SLC24A2: variants seen among roughly 807,000 people sequenced by gnomAD.
The protein encoded by SLC24A2 is sodium/potassium/calcium exchanger 2.
Under a neutral mutation model 62.0 loss-of-function variants are expected in SLC24A2, and 36 were observed. The observed-to-expected ratio is 0.58, with a 90% CI of 0.44 to 0.77. SLC24A2 has a LOEUF of 0.77. Ranked by LOEUF, SLC24A2 falls within the 30% of genes least tolerant of loss-of-function variation. The pLI, the probability that SLC24A2 is intolerant of heterozygous loss-of-function variation, is 0.00. For missense variants in SLC24A2, 846 were observed against 817.9 expected (o/e 1.03, Z -0.42); for synonymous variants, 358 against 294.0 (o/e 1.22, Z -2.23).
At chr9:19,833,872 AC>A in the SLC24A2 span, among the ~76,000 whole-genome samples, 1 of 152,196 alleles carries the variant, frequency 6.6e-6, no homozygotes, top group Non-Finnish European at 1.5e-5. Context: ...CTCCTCTGAG[AC>A]AAAACTTCCA....
chr9:19,723,841 C>T (rs1821097433), intron 2 of SLC24A2, among the ~76,000 whole-genome samples: 2 of 151,830 alleles, frequency 1.3e-5, no homozygotes, highest in South Asian at 4.2e-4. Flanking sequence ...CAGTAGTTAA[C>T]AAAAAAAGCT....
chr9:19,536,323 G>C (rs1279062049), intron 8 of SLC24A2, among the ~76,000 whole-genome samples: 3 of 148,564 alleles, frequency 2.0e-5, no homozygotes, highest in Non-Finnish European at 4.5e-5. Context: ...CTGTCATTAG[G>C]TATATCTCCC....
chr9:20,104,072 T>A, the SLC24A2 span, among the ~76,000 whole-genome samples: 1 of 152,126 alleles, frequency 6.6e-6, no homozygotes, highest in African/African-American at 2.4e-5. Flanking sequence ...CAGCAGCCGA[T>A]GCGATCAACT....
chr9:19,852,255 A>T, the SLC24A2 span, among the ~76,000 whole-genome samples: 36 of 152,000 alleles, frequency 2.4e-4, no homozygotes, highest in Non-Finnish European at 4.7e-4. Context: ...GATTACAAAA[A>T]TTTTCTTCCA....
intron 2 of SLC24A2, among the ~76,000 whole-genome samples, chr9:19,769,385 G>A (rs1159632403): frequency 8.5e-5 from 13 of 152,336 alleles, no homozygotes; most frequent in African/African-American, 2.6e-4. Context: ...GCCTGAACAT[G>A]TGGGTCACTC....
chr9:19,627,347 G>A (rs1476774777), intron 2 of SLC24A2, among the ~76,000 whole-genome samples: 2 of 152,156 alleles, frequency 1.3e-5, no homozygotes, highest in African/African-American at 4.8e-5. Flanking sequence ...TTTTTGAGAA[G>A]AATAGATATC....
At chr9:20,096,786 G>T in the SLC24A2 span, among the ~76,000 whole-genome samples, 1 of 151,740 alleles carries the variant, frequency 6.6e-6, no homozygotes, top group African/African-American at 2.4e-5. Flanking sequence ...CCTTTAGTTG[G>T]GAAATTCTTT....
the SLC24A2 span, among the ~76,000 whole-genome samples, chr9:20,258,812 C>CTATT: frequency 1.4e-5 from 2 of 139,156 alleles, no homozygotes; most frequent in African/African-American, 5.6e-5. Flanking sequence ...ATCTATCTAT[C>CTATT]TACCTTATCT....
At chr9:20,273,111 C>T in the SLC24A2 span, among the ~76,000 whole-genome samples, 1 of 152,166 alleles carries the variant, frequency 6.6e-6, no homozygotes, top group African/African-American at 2.4e-5. Context: ...AGGATGTGGA[C>T]AGCCCAAAAC....
the SLC24A2 span, among the ~76,000 whole-genome samples, chr9:20,225,676 A>G: frequency 2.9e-3 from 428 of 145,450 alleles, 1 homozygote; most frequent in Non-Finnish European, 4.6e-3. Flanking sequence ...ATACATGAGG[A>G]AGTCATTTGT....
At chr9:19,590,719 C>T (rs145022243) in intron 5 of SLC24A2, among the ~76,000 whole-genome samples, 1 of 152,302 alleles carries the variant, frequency 6.6e-6, no homozygotes, top group African/African-American at 2.4e-5. Flanking sequence ...TCACTCCCAG[C>T]TCGTTTTGTC....
At chr9:20,004,599 G>A in the SLC24A2 span, among the ~76,000 whole-genome samples, 9 of 152,180 alleles carry the variant, frequency 5.9e-5, no homozygotes, top group Non-Finnish European at 1.3e-4. Flanking sequence ...ACCATATACA[G>A]ATGTAGTAAA....
At chr9:19,548,773 C>T (rs929989650) in intron 8 of SLC24A2, among the ~76,000 whole-genome samples, 1 of 152,224 alleles carries the variant, frequency 6.6e-6, no homozygotes, top group East Asian at 1.9e-4. Context: ...GCAGCATGGC[C>T]AGGGTAGCCA....
the SLC24A2 span, among the ~76,000 whole-genome samples, chr9:19,833,890 C>A: frequency 1.3e-5 from 2 of 152,332 alleles, no homozygotes; most frequent in South Asian, 2.1e-4. Context: ...TCCAGAGGAA[C>A]AATCAGGCAG....
chr9:19,854,941 C>G, the SLC24A2 span, among the ~76,000 whole-genome samples: 3 of 152,248 alleles, frequency 2.0e-5, no homozygotes, highest in East Asian at 5.8e-4. Context: ...CTTTGCAGGT[C>G]TCTAAGAACT....
At chr9:19,889,527 C>T in the SLC24A2 span, among the ~76,000 whole-genome samples, 12 of 152,186 alleles carry the variant, frequency 7.9e-5, no homozygotes, top group Admixed American at 5.2e-4. Context: ...CTCCTGAGAA[C>T]GCTTCTTCCC....
At chr9:19,991,065 CATAT>C in the SLC24A2 span, among the ~76,000 whole-genome samples, 10 of 131,484 alleles carry the variant, frequency 7.6e-5, no homozygotes, top group Non-Finnish European at 1.2e-4. Flanking sequence ...TACATACATA[CATAT>C]ATGAAAAGGA....
At chr9:19,990,498 C>G in the SLC24A2 span, among the ~76,000 whole-genome samples, 2 of 151,646 alleles carry the variant, frequency 1.3e-5, no homozygotes, top group Non-Finnish European at 2.9e-5. Flanking sequence ...GTAGTCCCAG[C>G]TACTTGGGAG....
intron 2 of SLC24A2, among the ~76,000 whole-genome samples, chr9:19,640,178 A>G (rs1305279753): frequency 6.6e-6 from 1 of 152,224 alleles, no homozygotes; most frequent in East Asian, 1.9e-4. Context: ...GTCTTATACA[A>G]TTTTAATCTG....
Sources: allele counts gnomAD v4.1 joint callset (sites outside exome capture counted in the v4.1 genomes callset), GRCh38; gene constraint gnomAD v4.1.1; transcripts MANE v1.5; gene names NCBI Gene and HGNC (gene_info 2026-07-23, HGNC 2026-07-21).